The following TET2 variants were observed in gnomAD, a reference collection of about 807,000 sequenced individuals.
The protein encoded by TET2 is methylcytosine dioxygenase TET2.
A neutral mutation model predicts 142.9 loss-of-function variants in TET2; 299 were observed. The ratio of observed to expected loss-of-function variants is 2.09; its 90% CI spans 1.90 to 2.30. The LOEUF (loss-of-function observed/expected upper bound fraction) is 2.30, where lower values mean the gene tolerates loss of function less well. TET2 is among the 30% of genes most tolerant of loss of function. The probability of loss-of-function intolerance (pLI) is 0.00; values close to 1 mark genes in which losing one functional copy is unlikely to be tolerated. For missense variants in TET2, 2,418 were observed against 2,378.0 expected (o/e 1.02, Z -0.35); for synonymous variants, 819 against 849.0 (o/e 0.96, Z 0.61).
chr4:105,176,796 C>T (rs997775199), intron 1 of TET2, among the ~76,000 whole-genome samples: 4 of 152,064 alleles, frequency 2.6e-5, no homozygotes, highest in Admixed American at 6.5e-5. Flanking sequence ...GGCAAAAGAG[C>T]AGAATAGCCA....
chr4:105,274,146 T>C (rs2110309226), intron 10 of TET2, among the ~76,000 whole-genome samples: 1 of 152,372 alleles, frequency 6.6e-6, no homozygotes, highest in South Asian at 2.1e-4. Flanking sequence ...AGGTTAGCTG[T>C]GAAATATAAT....
At chr4:105,242,550 C>T (rs1729362041) in intron 4 of TET2, 63 of 1,168,542 alleles carry the variant, frequency 5.4e-5, no homozygotes, top group Non-Finnish European at 6.5e-5. Flanking sequence ...GAATTTTGTG[C>T]TTTGTGAAAT....
At chr4:105,231,870 ACT>A (rs1328195215) in intron 2 of TET2, among the ~76,000 whole-genome samples, 1 of 152,102 alleles carries the variant, frequency 6.6e-6, no homozygotes, top group African/African-American at 2.4e-5. Context: ...CGTTAGTACT[ACT>A]CTCAAAAATG....
chr4:105,170,506 A>G (rs903190250), intron 1 of TET2, among the ~76,000 whole-genome samples: 6 of 152,332 alleles, frequency 3.9e-5, no homozygotes, highest in African/African-American at 9.6e-5. Flanking sequence ...CTTTAAAAAA[A>G]TGGCAATGAA....
chr4:105,148,226 A>G (rs1430549447), intron 1 of TET2, among the ~76,000 whole-genome samples: 1 of 152,238 alleles, frequency 6.6e-6, no homozygotes, highest in Non-Finnish European at 1.5e-5. Flanking sequence ...AAAATGAAAT[A>G]TAAGTGTTAT....
At chr4:105,173,327 G>A (rs1173344550) in intron 1 of TET2, among the ~76,000 whole-genome samples, 4 of 150,664 alleles carry the variant, frequency 2.7e-5, no homozygotes, top group African/African-American at 9.8e-5. Context: ...AGACCAGCCT[G>A]GCCAATATGG....
Position 105,194,825 on chromosome 4 carries a change from C to T in TET2, c.-47+4320C>T, listed in dbSNP as rs143866547. Among the ~76,000 whole-genome samples, 242 of 152,214 alleles carry T rather than the reference C, an allele frequency of 1.6e-3. 2 individuals carry two copies. Among genetic ancestry groups the T allele is most frequent in the African/African-American group, 5.7e-3 (235 of 41,546 alleles). Reference sequence around the variant, plus strand: ...TACAGTAGCTTTACAATTCTTTATACACTTCTTTACTCTCTCCATTACACA... The same window carrying T: ...TACAGTAGCTTTACAATTCTTTATATACTTCTTTACTCTCTCCATTACACA... On this transcript the variant is annotated intron_variant, in intron 2 of 10. Coordinates refer to ENST00000380013, the MANE Select transcript of TET2 (RefSeq NM_001127208.3).
rs763616316 is a variant in TET2 at position 105,234,162 on chromosome 4, G to C, written c.220G>C (p.Val74Leu). 1.9e-6 allele frequency: 3 copies of C among 1,614,178 alleles called. No homozygotes were observed. Among genetic ancestry groups the C allele is most frequent in the Non-Finnish European group, 2.5e-6 (3 of 1,180,024 alleles). The change falls in exon 3 of 11, where the codon GTG (valine) becomes CTG (leucine). Residue 74 changes from valine (V) to leucine (L), a missense_variant. By Grantham distance (32) the Val-to-Leu change is conservative. Coordinates refer to ENST00000380013, the MANE Select transcript of TET2 (RefSeq NM_001127208.3). ...PCMKGSQNSR[V>L]SPDFTQESRG... ...TATGAAGGGAAGCCAGAATAGTCGT[G>C]TGAGTCCTGACTTTACACAAGAAAG...
chr4:105,209,053 A>ATATT (rs1726997062), intron 2 of TET2, among the ~76,000 whole-genome samples: 2 of 47,812 alleles, frequency 4.2e-5, no homozygotes, highest in South Asian at 1.3e-3. Context: ...GGCATGGTAT[A>ATATT]TATATATATA....
intron 2 of TET2, among the ~76,000 whole-genome samples, chr4:105,197,429 T>C (rs1446445313): frequency 6.6e-6 from 1 of 152,128 alleles, no homozygotes; most frequent in East Asian, 1.9e-4. Context: ...TATCCAGCAG[T>C]TTTTGGTTGT....
intron 1 of TET2, among the ~76,000 whole-genome samples, chr4:105,170,665 G>A (rs1046168132): frequency 2.0e-5 from 3 of 152,172 alleles, no homozygotes; most frequent in Non-Finnish European, 4.4e-5. Context: ...AGGAATAGCT[G>A]AGACAATCTT....
intron 2 of TET2, among the ~76,000 whole-genome samples, chr4:105,213,347 T>G (rs1727286127): frequency 6.6e-6 from 1 of 152,054 alleles, no homozygotes; most frequent in South Asian, 2.1e-4. Flanking sequence ...AGAGGAAAAA[T>G]TGAGAGGAAG....
At chr4:105,266,395 T>C (rs1361355936) in intron 8 of TET2, among the ~76,000 whole-genome samples, 2 of 151,912 alleles carry the variant, frequency 1.3e-5, no homozygotes, top group African/African-American at 4.8e-5. Flanking sequence ...TAGCATTCCA[T>C]CAGAAAATAC....
chr4:105,152,852 C>T (rs892767519), intron 1 of TET2, among the ~76,000 whole-genome samples: 1 of 152,108 alleles, frequency 6.6e-6, no homozygotes, highest in Non-Finnish European at 1.5e-5. Flanking sequence ...CTGCCCGGGT[C>T]TCCCAAAGTG....
intron 3 of TET2, 116 bp from the exon 4 acceptor site, chr4:105,241,223 T>C: frequency 7.5e-7 from 1 of 1,333,984 alleles, no homozygotes; most frequent in Non-Finnish European, 9.7e-7. Flanking sequence ...GAAAAAAAAA[T>C]TTTAAAGTCA....
At chr4:105,206,695 G>C (rs1726846468) in intron 2 of TET2, among the ~76,000 whole-genome samples, 1 of 152,098 alleles carries the variant, frequency 6.6e-6, no homozygotes, top group Non-Finnish European at 1.5e-5. Context: ...CTATTCCATG[G>C]TATTTTAGTG....
At chr4:105,217,582 C>T (rs1025605229) in intron 2 of TET2, among the ~76,000 whole-genome samples, 1 of 152,002 alleles carries the variant, frequency 6.6e-6, no homozygotes, top group African/African-American at 2.4e-5. Context: ...CCAGGAAATG[C>T]CACACAGCAC....
chr4:105,244,592 T>G (rs1054955780), intron 6 of TET2, among the ~76,000 whole-genome samples: 1 of 71,972 alleles, frequency 1.4e-5, no homozygotes, highest in Non-Finnish European at 4.0e-5. Flanking sequence ...AAATGTTTTT[T>G]TTTTTTTTTT....
Position 105,234,161 on chromosome 4 carries a change from T to C in TET2, c.219T>C (p.Arg73=). 3 of 1,614,166 alleles carry C rather than the reference T, an allele frequency of 1.9e-6. No homozygotes were observed. The highest frequency in any genetic ancestry group is 2.5e-6 in the Non-Finnish European group (3 of 1,180,002). ...IPCMKGSQNS[R]VSPDFTQESR... is the part of the protein sequence containing the mutation. Reference sequence around the variant, plus strand: ...GTATGAAGGGAAGCCAGAATAGTCGTGTGAGTCCTGACTTTACACAAGAAA... The same window carrying C: ...GTATGAAGGGAAGCCAGAATAGTCGCGTGAGTCCTGACTTTACACAAGAAA... Residue 73 remains arginine (R), a synonymous_variant, in exon 3 of 11, where the codon CGT becomes CGC. Transcript: ENST00000380013.
Sources: allele counts gnomAD v4.1 joint callset (sites outside exome capture counted in the v4.1 genomes callset), GRCh38; gene constraint gnomAD v4.1.1; transcripts MANE v1.5; gene names NCBI Gene and HGNC (gene_info 2026-07-23, HGNC 2026-07-21).